Variants in SPAG16 observed in about 807,000 individuals in gnomAD.
The protein encoded by SPAG16 is sperm associated antigen 16, also known as sperm-associated antigen 16 protein.
In SPAG16, 86 loss-of-function variants were observed where a neutral mutation model predicts 80.4. The observed-to-expected ratio is 1.07, with a 90% CI of 0.90 to 1.28. The LOEUF (loss-of-function observed/expected upper bound fraction) is 1.28. Among genes scored for constraint, SPAG16 ranks in the 50% most tolerant of loss-of-function variants. The pLI is 0.00. For synonymous variants in SPAG16, 294 were observed against 265.9 expected, an observed-to-expected ratio of 1.11 and a Z score of -1.03; for missense variants, 870 against 765.3, an observed-to-expected ratio of 1.14 and a Z score of -1.61.
chr2:214,059,222 G>GTATA (rs34244219), intron 13 of SPAG16, among the ~76,000 whole-genome samples: 16,008 of 119,916 alleles, frequency 0.13, 1,329 homozygotes, highest in Non-Finnish European at 0.16. Flanking sequence ...ATATGTATGT[G>GTATA]TATATATATA....
chr2:213,850,152 C>T (rs1158740888), intron 10 of SPAG16, among the ~76,000 whole-genome samples: 8 of 152,082 alleles, frequency 5.3e-5, no homozygotes, highest in African/African-American at 1.9e-4. Flanking sequence ...TTACAAATTT[C>T]CTTTAGTTGA....
At chr2:214,405,327 A>G (rs1013954454) in intron 15 of SPAG16, among the ~76,000 whole-genome samples, 1 of 152,074 alleles carries the variant, frequency 6.6e-6, no homozygotes, top group African/African-American at 2.4e-5. Flanking sequence ...GAGTCTCACT[A>G]TGTTGTCCAA....
At chr2:213,901,242 G>T (rs574931987) in intron 11 of SPAG16, among the ~76,000 whole-genome samples, 1 of 152,224 alleles carries the variant, frequency 6.6e-6, no homozygotes, top group East Asian at 1.9e-4. Flanking sequence ...TTCAGTTTGG[G>T]CCTAAGTATC....
chr2:213,952,300 A>G (rs2079829992), intron 12 of SPAG16, among the ~76,000 whole-genome samples: 1 of 152,082 alleles, frequency 6.6e-6, no homozygotes, highest in Non-Finnish European at 1.5e-5. Flanking sequence ...ATTAATAAAG[A>G]AAATAGAGGA....
At chr2:213,945,301 A>T (rs1460756551) in intron 12 of SPAG16, among the ~76,000 whole-genome samples, 1 of 146,186 alleles carries the variant, frequency 6.8e-6, no homozygotes, top group South Asian at 2.1e-4. Flanking sequence ...ATATATATAC[A>T]CAAGTATATA....
In SPAG16 at chr2:213,807,218, T is replaced by C. The variant is rs183928389; in HGVS notation, c.1071-55267T>C. Among the ~76,000 whole-genome samples, 59 of 152,298 alleles carry C rather than the reference T, an allele frequency of 3.9e-4. 1 individual carries two copies. The highest frequency in any genetic ancestry group is 1.4e-3 in the African/African-American group (58 of 41,578). ...TAAAACAGGATCTTTCCTTGACTCA[T>C]TTGCTTCCATACTCCTTCATGTTTT... On this transcript the variant is annotated intron_variant, in intron 10 of 15. Coordinates refer to ENST00000331683, the MANE Select transcript of SPAG16 (RefSeq NM_024532.5).
chr2:214,041,156 T>A lies in SPAG16; in HGVS notation c.1527+27079T>A, dbSNP rs555623568. 1.5e-3 allele frequency among the ~76,000 whole-genome samples: 224 copies of A among 152,126 alleles called. 1 individual carries two copies. Among genetic ancestry groups the A allele is most frequent in the Middle Eastern group, 3.4e-3 (1 of 294 alleles). On this transcript the variant is annotated intron_variant, in intron 13 of 15. Transcript: ENST00000331683. ...TACTTTTTCTGATATGATTTTGTCT[T>A]TTTAAATCCTTTTTTTTCTCTTTTT...
intron 10 of SPAG16, among the ~76,000 whole-genome samples, chr2:213,845,450 C>T (rs541730646): frequency 5.3e-5 from 8 of 152,106 alleles, no homozygotes; most frequent in Non-Finnish European, 1.0e-4. Flanking sequence ...CCCTCTTCGG[C>T]CTCCCAAAGT....
At chr2:214,154,355 A>C (rs2056116460) in intron 15 of SPAG16, among the ~76,000 whole-genome samples, 1 of 152,182 alleles carries the variant, frequency 6.6e-6, no homozygotes, top group South Asian at 2.1e-4. Flanking sequence ...CCAGATGGGC[A>C]CTTTCCAGTA....
At chr2:214,384,080 G>C (rs1700613880) in intron 15 of SPAG16, among the ~76,000 whole-genome samples, 1 of 152,116 alleles carries the variant, frequency 6.6e-6, no homozygotes, top group Non-Finnish European at 1.5e-5. Context: ...AAGTGTCCAA[G>C]ACCATCTCAG....
intron 6 of SPAG16, among the ~76,000 whole-genome samples, chr2:213,342,335 A>G (rs1329879588): frequency 1.3e-4 from 1 of 7,444 alleles, no homozygotes; most frequent in Non-Finnish European, 4.5e-4. Context: ...ATGTGTATAT[A>G]TATATTACAT....
intron 10 of SPAG16, among the ~76,000 whole-genome samples, chr2:213,762,895 G>A (rs909910268): frequency 3.3e-5 from 5 of 152,100 alleles, no homozygotes; most frequent in Non-Finnish European, 1.5e-5. Context: ...CTTATAAGGG[G>A]TCAATCTTTA....
chr2:214,235,780 A>G (rs1159639503), intron 15 of SPAG16, among the ~76,000 whole-genome samples: 1 of 152,192 alleles, frequency 6.6e-6, no homozygotes, highest in Non-Finnish European at 1.5e-5. Context: ...TTTTTTATAC[A>G]AACAACATTT....
At chr2:213,872,103 T>C (rs547003331) in intron 11 of SPAG16, among the ~76,000 whole-genome samples, 1 of 152,148 alleles carries the variant, frequency 6.6e-6, no homozygotes, top group Non-Finnish European at 1.5e-5. Context: ...ATCAGCTGAC[T>C]TTAAGATAAG....
intron 9 of SPAG16, among the ~76,000 whole-genome samples, chr2:213,376,776 A>G (rs1399684218): frequency 6.6e-6 from 1 of 152,150 alleles, no homozygotes; most frequent in African/African-American, 2.4e-5. Flanking sequence ...CTGTAAATTA[A>G]TACTAACATT....
intron 12 of SPAG16, among the ~76,000 whole-genome samples, chr2:214,007,199 G>T (rs1461605911): frequency 6.6e-6 from 1 of 151,988 alleles, no homozygotes; most frequent in Non-Finnish European, 1.5e-5. Flanking sequence ...TAATAAAACT[G>T]CAAATAAAAA....
chr2:213,898,561 C>T (rs2077086758), intron 11 of SPAG16, among the ~76,000 whole-genome samples: 1 of 152,058 alleles, frequency 6.6e-6, no homozygotes, highest in African/African-American at 2.4e-5. Context: ...AGATGGTTCT[C>T]CCAGAAAGAC....
chr2:213,790,987 C>T (rs2070663189), intron 10 of SPAG16, among the ~76,000 whole-genome samples: 1 of 152,048 alleles, frequency 6.6e-6, no homozygotes, highest in Non-Finnish European at 1.5e-5. Context: ...GAAAATAGCA[C>T]ATAAGTATCC....
At chr2:214,060,465 TAAAAC>T (rs1182215890) in intron 13 of SPAG16, among the ~76,000 whole-genome samples, 1 of 151,872 alleles carries the variant, frequency 6.6e-6, no homozygotes. Flanking sequence ...TGTCCAAAAA[TAAAAC>T]AGAAAACATA....
Sources: gnomAD v4.1 joint callset for allele counts (sites outside exome capture counted in the v4.1 genomes callset) on GRCh38, gnomAD v4.1.1 for gene constraint, MANE v1.5 for transcripts, NCBI Gene and HGNC (gene_info 2026-07-23, HGNC 2026-07-21) for gene names.